DAPK2: variants seen among roughly 807,000 people sequenced by gnomAD.
The protein encoded by DAPK2 is death-associated protein kinase 2.
In DAPK2, 35 loss-of-function variants were observed where a neutral mutation model predicts 44.1. That is an observed-to-expected ratio of 0.79 (90% CI 0.61 to 1.05). The LOEUF is 1.05. DAPK2 is among the 50% of genes least tolerant of loss of function. The pLI is 0.00. For missense variants in DAPK2, 453 were observed against 483.2 expected (o/e 0.94, Z 0.59); for synonymous variants, 174 against 182.6 (o/e 0.95, Z 0.38).
At chr15:63,968,449 C>T (rs1375275583) in intron 3 of DAPK2, among the ~76,000 whole-genome samples, 2 of 152,156 alleles carry the variant, frequency 1.3e-5, no homozygotes, top group Non-Finnish European at 2.9e-5. Context: ...CACCAGCCCT[C>T]GCCAGCAGTT....
rs55819733 is a variant in DAPK2, at chr15:63,990,426, T to TAGAAAAAAAA, written c.93-6673_93-6672insTTTTTTTTCT. On this transcript the variant is annotated intron_variant, in intron 1 of 10. Coordinates refer to ENST00000261891, the Ensembl canonical transcript of DAPK2. The surrounding 1 kb of genome is among the most constrained non-coding windows in gnomAD (Gnocchi z 4.3). Reference sequence around the variant, plus strand: ...CTGGGTGACAGAGCAAGACTCCATCTAGAAAAAGAAAAAGAAAGGTCCATG... The same window carrying TAGAAAAAAAA: ...CTGGGTGACAGAGCAAGACTCCATCTAGAAAAAAAAAGAAAAAGAAAAAGAAAGGTCCATG... 2.7e-5 allele frequency among the ~76,000 whole-genome samples: 4 copies of TAGAAAAAAAA among 150,278 alleles called. No homozygotes were observed. Among genetic ancestry groups the TAGAAAAAAAA allele is most frequent in the Admixed American group, 6.6e-5 (1 of 15,106 alleles).
chr15:63,907,562 G>C (rs534493670), exon 11 of DAPK2: 1 of 152,282 alleles, frequency 6.6e-6, no homozygotes, highest in East Asian at 1.9e-4. Flanking sequence ...TGGGATGCCA[G>C]GTGCCTACCC....
chr15:64,031,951 G>T (rs1231823902), intron 1 of DAPK2, among the ~76,000 whole-genome samples: 1 of 152,190 alleles, frequency 6.6e-6, no homozygotes, highest in African/African-American at 2.4e-5. Flanking sequence ...CAGGGCTTAT[G>T]GGGGCTGTGA....
intron 1 of DAPK2, among the ~76,000 whole-genome samples, chr15:64,014,059 G>A (rs1469239627): frequency 6.6e-6 from 1 of 152,188 alleles, no homozygotes; most frequent in Non-Finnish European, 1.5e-5. Context: ...TTATCTACTT[G>A]GTTTTCCTCT....
At chr15:64,017,537 A>G (rs74021232) in intron 1 of DAPK2, among the ~76,000 whole-genome samples, 23,187 of 152,238 alleles carry the variant, frequency 0.15, 1,930 homozygotes, top group South Asian at 0.35. Flanking sequence ...GGGCAGGTCC[A>G]CACCTTAACA....
chr15:64,038,465 G>A (rs1167771748), intron 1 of DAPK2, among the ~76,000 whole-genome samples: 1 of 152,142 alleles, frequency 6.6e-6, no homozygotes, highest in Non-Finnish European at 1.5e-5. Flanking sequence ...GGCTCCAGCT[G>A]ACCAACCCCA....
At chr15:63,910,168 GACGAGGAAAGCA>G (rs60101607) in intron 10 of DAPK2, among the ~76,000 whole-genome samples, 10,266 of 152,308 alleles carry the variant, frequency 0.067, 448 homozygotes, top group African/African-American at 0.12. Flanking sequence ...CTGCATAGGA[GACGAGGAAAGCA>G]GCCAGAGCCG....
rs57421161 is a variant in DAPK2 at position 63,981,089 on chromosome 15, CAAA to C, written c.314+2441_314+2443del. 2.9e-3 allele frequency among the ~76,000 whole-genome samples: 401 copies of C among 137,568 alleles called. 2 individuals carry two copies. Among genetic ancestry groups the C allele is most frequent in the Admixed American group, 3.7e-3 (52 of 14,112 alleles). The allele number at this position is 137,568 out of a possible 152,430, so 90.2% of individuals were successfully genotyped here. A position where few individuals can be genotyped will look rare whatever the true frequency, so the allele number is the denominator to read the frequency against. On this transcript the variant is annotated intron_variant, in intron 2 of 10. Transcript: ENST00000261891. ...TAGACGACAGAGCGAGACTCCATCT[CAAA>C]AAAAAAAAAAAAAGAGGTGATTGGG...
rs78181809 is a variant in DAPK2, at chr15:63,980,170, G to A, written c.314+3363C>T. Among the ~76,000 whole-genome samples, 4,484 of 152,248 alleles carry A rather than the reference G, an allele frequency of 0.029. 150 individuals are homozygous for A. The highest frequency in any genetic ancestry group is 0.18 in the South Asian group (882 of 4,822). Reference sequence around the variant, plus strand: ...AAGCAAGTCATGGGAGCACCAGCGTGACAACTGATGTTACAGATGGTGCAC... The same window carrying A: ...AAGCAAGTCATGGGAGCACCAGCGTAACAACTGATGTTACAGATGGTGCAC... On this transcript the variant is annotated intron_variant, in intron 2 of 10. Coordinates refer to ENST00000261891, the Ensembl canonical transcript of DAPK2. The surrounding 1 kb of genome is among the most constrained non-coding windows in gnomAD (Gnocchi z 4.3).
intron 1 of DAPK2, among the ~76,000 whole-genome samples, chr15:64,033,993 T>C (rs1049145734): frequency 6.6e-6 from 1 of 151,052 alleles, no homozygotes; most frequent in Non-Finnish European, 1.5e-5. Context: ...GCAGAGGGAG[T>C]TCTACTTTTT....
chr15:63,913,260 G>A (rs771841510), intron 8 of DAPK2, among the ~76,000 whole-genome samples: 14 of 152,162 alleles, frequency 9.2e-5, no homozygotes, highest in Non-Finnish European at 1.5e-4. Context: ...TAATGTAAAT[G>A]TTCTGGAATT....
At chr15:64,045,122 C>G (rs185784096), upstream of DAPK2, among the ~76,000 whole-genome samples, 5 of 152,182 alleles carry the variant, frequency 3.3e-5, no homozygotes, top group African/African-American at 1.2e-4. Context: ...GCTAACAAAT[C>G]GGGAGGCCTC....
chr15:64,043,943 C>T (rs753559228), upstream of DAPK2, among the ~76,000 whole-genome samples: 10 of 152,158 alleles, frequency 6.6e-5, no homozygotes, highest in African/African-American at 9.7e-5. Flanking sequence ...TTCTCAAGGC[C>T]GCTACTCAGA....
chr15:64,029,194 C>T (rs916302094), intron 1 of DAPK2, among the ~76,000 whole-genome samples: 17 of 151,324 alleles, frequency 1.1e-4, no homozygotes, highest in Admixed American at 6.6e-5. Flanking sequence ...TGAGACCTAC[C>T]CTTAGGGCAA....
Position 63,967,277 on chromosome 15 carries a change from T to A in DAPK2, c.453+4146A>T, listed in dbSNP as rs1044901326. Among the ~76,000 whole-genome samples, 4 of 152,226 alleles carry A rather than the reference T, an allele frequency of 2.6e-5. No individual in the cohort carries two copies. The East Asian group carries it at 7.7e-4, about 29-fold the overall frequency. ...GGTTCTTACAAAGGTGCTTTTTTTG[T>A]GTATGGATAGTTGTTCAATTTGGTG... On this transcript the variant is annotated intron_variant, in intron 3 of 10. Coordinates refer to ENST00000261891, the Ensembl canonical transcript of DAPK2.
At chr15:63,979,864 G>A (rs1244143475) in intron 2 of DAPK2, among the ~76,000 whole-genome samples, 1 of 152,036 alleles carries the variant, frequency 6.6e-6, no homozygotes, top group Non-Finnish European at 1.5e-5. Context: ...GCAGTGAGCC[G>A]AGATCACGCC....
At chr15:63,930,141 C>T (rs1030109010) in intron 5 of DAPK2, among the ~76,000 whole-genome samples, 4 of 152,182 alleles carry the variant, frequency 2.6e-5, no homozygotes, top group Non-Finnish European at 5.9e-5. Context: ...GGTGAGTCTG[C>T]GCCTCCCCCT....
intron 3 of DAPK2, 59 bp downstream of exon 4, chr15:63,971,364 G>T: frequency 6.3e-7 from 1 of 1,595,900 alleles, no homozygotes; most frequent in South Asian, 1.1e-5. Context: ...AAAGACACCA[G>T]GAGGGACTAA....
chr15:63,993,540 T>G (rs756451146), intron 1 of DAPK2, among the ~76,000 whole-genome samples: 5 of 152,028 alleles, frequency 3.3e-5, no homozygotes, highest in African/African-American at 9.7e-5. Flanking sequence ...CTTAGCCATC[T>G]AGGATGGATG....
Sources: allele counts gnomAD v4.1 joint callset (sites outside exome capture counted in the v4.1 genomes callset), GRCh38; gene constraint gnomAD v4.1.1; non-coding constraint Gnocchi (gnomAD v3.1); transcripts MANE v1.5; gene names NCBI Gene and HGNC (gene_info 2026-07-23, HGNC 2026-07-21).